The following APBB1IP variants were observed in gnomAD, a reference collection of about 807,000 sequenced individuals.
APBB1IP encodes the protein amyloid beta precursor protein binding family B member 1 interacting protein.
APBB1IP carries 27 observed loss-of-function variants against 64.9 expected under a neutral mutation model. The observed-to-expected ratio is 0.42, with a 90% CI of 0.31 to 0.57. The LOEUF is 0.57. Ranked by LOEUF, APBB1IP falls within the 20% of genes least tolerant of loss-of-function variation. APBB1IP has a pLI of 0.20. For synonymous variants in APBB1IP, 392 were observed against 331.0 expected (o/e 1.18, Z -2.00); for missense variants, 812 against 845.5 (o/e 0.96, Z 0.49).
Position 26,567,236 on chromosome 10 carries a change from G to T in APBB1IP, c.1749G>T (p.Val583=). ...PDFMEPPPDF[V]PPPPPSYAGI... ...TCATGGAGCCGCCCCCAGACTTCGT[G>T]CCCCCGCCCCCGCCGTCGTACGCAG... Residue 583 remains valine (V), a synonymous_variant, in exon 15 of 15, where the codon GTG becomes GTT. Coordinates refer to ENST00000376236, the MANE Select transcript of APBB1IP (RefSeq NM_019043.4). 7.5e-7 allele frequency: 1 copy of T among 1,329,426 alleles called. No individual in the cohort carries two copies. The highest frequency in any genetic ancestry group is 1.7e-5 in the South Asian group (1 of 59,494). The allele number at this position is 1,329,426 out of a possible 1,614,324, so 82.4% of individuals were successfully genotyped here. A position where few individuals can be genotyped will look rare whatever the true frequency, so the allele number is the denominator to read the frequency against.
At chr10:26,491,498 G>T (rs772166580) in intron 2 of APBB1IP, among the ~76,000 whole-genome samples, 1 of 152,146 alleles carries the variant, frequency 6.6e-6, no homozygotes, top group Non-Finnish European at 1.5e-5. Context: ...CTCACAGTGC[G>T]TCCCACCCTA....
At chr10:26,515,740 C>T (rs749181780) in intron 8 of APBB1IP, among the ~76,000 whole-genome samples, 3 of 152,090 alleles carry the variant, frequency 2.0e-5, no homozygotes, top group Non-Finnish European at 4.4e-5. Context: ...CCTCCATACC[C>T]CTTTAGGCTG....
chr10:26,488,725 G>C (rs1204827470), intron 2 of APBB1IP, among the ~76,000 whole-genome samples: 1 of 152,156 alleles, frequency 6.6e-6, no homozygotes, highest in Non-Finnish European at 1.5e-5. Flanking sequence ...ACACAAAATA[G>C]GACAAGGATC....
chr10:26,497,817 C>G (rs571930967), intron 4 of APBB1IP, among the ~76,000 whole-genome samples: 20 of 150,914 alleles, frequency 1.3e-4, no homozygotes, highest in South Asian at 2.1e-4. Context: ...ACCTCTGCCC[C>G]CTGGGTTCAA....
chr10:26,513,289 A>ATTTCTTTTTTGG (rs1836283807), intron 7 of APBB1IP, among the ~76,000 whole-genome samples: 1 of 152,230 alleles, frequency 6.6e-6, no homozygotes, highest in Admixed American at 6.5e-5. Context: ...AAAAAAAGAA[A>ATTTCTTTTTTGG]TAAGTGTGAC....
intron 2 of APBB1IP, among the ~76,000 whole-genome samples, chr10:26,459,261 A>T (rs1835562809): frequency 6.6e-6 from 1 of 151,902 alleles, no homozygotes; most frequent in African/African-American, 2.4e-5. Context: ...CCTACAAAGG[A>T]CATGAACTCA....
chr10:26,513,062 C>T (rs1836280572), intron 7 of APBB1IP, among the ~76,000 whole-genome samples: 2 of 152,156 alleles, frequency 1.3e-5, no homozygotes, highest in African/African-American at 2.4e-5. Flanking sequence ...ACTGATTGTC[C>T]ACCTCACGTA....
At chr10:26,539,467 G>A (rs1328574814) in intron 10 of APBB1IP, among the ~76,000 whole-genome samples, 2 of 150,274 alleles carry the variant, frequency 1.3e-5, no homozygotes, top group East Asian at 3.9e-4. Context: ...AGGAAGAAAG[G>A]AAGAAAGGGA....
At chr10:26,481,529 G>A (rs937165097) in intron 2 of APBB1IP, among the ~76,000 whole-genome samples, 1 of 151,856 alleles carries the variant, frequency 6.6e-6, no homozygotes, top group African/African-American at 2.4e-5. Flanking sequence ...TTGTCACTCA[G>A]GCTAGAGGGC....
Position 26,533,513 on chromosome 10 carries a change from A to G in APBB1IP, c.888A>G (p.Glu296=). The change falls in exon 9 of 15, where the codon GAA becomes GAG. Residue 296 remains glutamate (E), a synonymous_variant. Coordinates refer to ENST00000376236, the MANE Select transcript of APBB1IP (RefSeq NM_019043.4). ...AGAAAATGAATGCTAAGAACAAGGA[A>G]TCCTTACTTGAGGTAAGGTTAATTT... is the stretch of plus-strand genomic sequence containing the variant. ...TNEKMNAKNK[E]SLLEESFCGT... 6.2e-7 allele frequency: 1 copy of G among 1,603,082 alleles called. No individual in the cohort carries two copies.
At chr10:26,505,751 G>C (rs990441035) in intron 6 of APBB1IP, among the ~76,000 whole-genome samples, 3 of 145,158 alleles carry the variant, frequency 2.1e-5, no homozygotes, top group Non-Finnish European at 4.4e-5. Flanking sequence ...GCGTGCATCT[G>C]TACCCATATA....
intron 8 of APBB1IP, among the ~76,000 whole-genome samples, chr10:26,528,986 A>G (rs1015298457): frequency 2.0e-5 from 3 of 152,200 alleles, no homozygotes; most frequent in African/African-American, 7.2e-5. Context: ...GTACTCACAA[A>G]TATTTCTTCA....
chr10:26,560,775 G>C lies in APBB1IP; in HGVS notation c.1300G>C (p.Ala434Pro). ...TAACTACCAGCGGGCTGTGGCAAAG[G>C]CTGGACTTGCCTCTCGGTGGACAAA... ...YDNYQRAVAKAGLASRWTNLG... is the reference protein window; with the variant it reads ...YDNYQRAVAKPGLASRWTNLG... The change falls in exon 13 of 15, where the codon GCT becomes CCT. Residue 434 changes from alanine to proline, a missense_variant. Coordinates refer to ENST00000376236, the MANE Select transcript of APBB1IP (RefSeq NM_019043.4). 1 of 1,607,862 alleles carries C rather than the reference G, an allele frequency of 6.2e-7. No homozygotes were observed. Among genetic ancestry groups the C allele is most frequent in the East Asian group, 2.2e-5 (1 of 44,802 alleles).
At chr10:26,445,129 AAAGAAAGAAAGAAAGAAAG>A (rs1334151807) in intron 2 of APBB1IP, among the ~76,000 whole-genome samples, 1,091 of 68,908 alleles carry the variant, frequency 0.016, 10 homozygotes, top group African/African-American at 0.023. Context: ...GAAAGAAAGA[AAAGAAAGAAAGAAAGAAAG>A]AAAGAAAGAA....
In APBB1IP at chr10:26,510,984, A is replaced by G. The variant is rs145086810; in HGVS notation, c.532-763A>G. On this transcript the variant is annotated intron_variant, in intron 6 of 14. Coordinates refer to ENST00000376236, the MANE Select transcript of APBB1IP (RefSeq NM_019043.4). Reference sequence around the variant, plus strand: ...CAACTTGGTCTTATTTGGTGTCTTCAGACTCTTGGGTTGCATGAAATGGGA... The same window carrying G: ...CAACTTGGTCTTATTTGGTGTCTTCGGACTCTTGGGTTGCATGAAATGGGA... Among the ~76,000 whole-genome samples the G allele has an allele frequency of 1.8e-3, 269 of 152,212 alleles. 2 individuals carry two copies. Among genetic ancestry groups the G allele is most frequent in the African/African-American group, 6.2e-3 (259 of 41,554 alleles).
At chr10:26,456,508 T>C (rs571027719) in intron 2 of APBB1IP, among the ~76,000 whole-genome samples, 1 of 152,208 alleles carries the variant, frequency 6.6e-6, no homozygotes, top group Admixed American at 6.5e-5. Flanking sequence ...AGAGAGCCAC[T>C]GAAAAGTTTT....
At chr10:26,523,542 T>A (rs1345572172) in intron 8 of APBB1IP, among the ~76,000 whole-genome samples, 1 of 152,172 alleles carries the variant, frequency 6.6e-6, no homozygotes, top group African/African-American at 2.4e-5. Flanking sequence ...AAAGGGGCCG[T>A]CCATTCTCAG....
At chr10:26,489,285 G>T (rs187880718) in intron 2 of APBB1IP, among the ~76,000 whole-genome samples, 1 of 152,318 alleles carries the variant, frequency 6.6e-6, no homozygotes, top group African/African-American at 2.4e-5. Flanking sequence ...AAAAGTCACT[G>T]CAGGGAGCAG....
At chr10:26,558,388 C>T (rs550164848) in intron 11 of APBB1IP, among the ~76,000 whole-genome samples, 113 of 152,202 alleles carry the variant, frequency 7.4e-4, no homozygotes, top group African/African-American at 2.4e-3. Context: ...ACCTGCCATG[C>T]GCTGGCCATG....
Sources: allele counts gnomAD v4.1 joint callset (sites outside exome capture counted in the v4.1 genomes callset), GRCh38; gene constraint gnomAD v4.1.1; transcripts MANE v1.5; gene names NCBI Gene and HGNC (gene_info 2026-07-23, HGNC 2026-07-21).